PIK3C2G: variants seen among roughly 807,000 people sequenced by gnomAD.
The protein encoded by PIK3C2G is phosphatidylinositol-4-phosphate 3-kinase catalytic subunit type 2 gamma.
PIK3C2G carries 168 observed loss-of-function variants against 181.1 expected under a neutral mutation model. The observed-to-expected ratio is 0.93, with a 90% CI of 0.82 to 1.05. PIK3C2G has a LOEUF of 1.05. PIK3C2G is among the 50% of genes least tolerant of loss of function. The pLI is 0.00. For synonymous variants in PIK3C2G, 573 were observed against 592.2 expected (o/e 0.97, Z 0.47); for missense variants, 1,869 against 1,732.8 (o/e 1.08, Z -1.40).
intron 31 of PIK3C2G, among the ~76,000 whole-genome samples, chr12:18,621,467 A>C (rs2136667665): frequency 6.6e-6 from 1 of 152,006 alleles, no homozygotes. Flanking sequence ...AAAGAATTAT[A>C]TCTACTAGAC....
intron 14 of PIK3C2G, among the ~76,000 whole-genome samples, chr12:18,389,955 T>C (rs1472887680): frequency 6.6e-6 from 1 of 152,198 alleles, no homozygotes; most frequent in Admixed American, 6.5e-5. Context: ...TTTGTCCATA[T>C]AAAGAGTAGC....
chr12:18,684,103 C>T, the PIK3C2G span: 9 of 1,607,640 alleles, frequency 5.6e-6, no homozygotes, highest in Admixed American at 1.0e-4. Context: ...AATGCTGGTA[C>T]AATCATCTAA....
chr12:18,688,982 G>A, the PIK3C2G span, among the ~76,000 whole-genome samples: 1 of 151,520 alleles, frequency 6.6e-6, no homozygotes, highest in Non-Finnish European at 1.5e-5. Flanking sequence ...AGGGAAGGAA[G>A]GAGGGAGAGA....
chr12:18,698,239 T>TTTA, the PIK3C2G span, among the ~76,000 whole-genome samples: 4 of 147,488 alleles, frequency 2.7e-5, no homozygotes, highest in East Asian at 6.1e-4. Context: ...GCAATACACT[T>TTTA]TTCTTCTATT....
intron 11 of PIK3C2G, among the ~76,000 whole-genome samples, chr12:18,351,160 A>G (rs575927042): frequency 6.6e-6 from 1 of 152,264 alleles, no homozygotes; most frequent in African/African-American, 2.4e-5. Flanking sequence ...AAATATATTC[A>G]TAAATTTAAG....
upstream of PIK3C2G, among the ~76,000 whole-genome samples, chr12:18,244,498 T>C (rs1165668666): frequency 2.6e-5 from 4 of 152,102 alleles, no homozygotes; most frequent in Non-Finnish European, 5.9e-5. Context: ...GCTTATCTCA[T>C]ACCTGCTTTC....
chr12:18,595,921 T>A (rs950104172), intron 30 of PIK3C2G, among the ~76,000 whole-genome samples: 1 of 152,130 alleles, frequency 6.6e-6, no homozygotes, highest in African/African-American at 2.4e-5. Flanking sequence ...ACGCCTAGAA[T>A]GTTATTTCTT....
At chr12:18,641,535 C>G (rs964649717) in intron 32 of PIK3C2G, among the ~76,000 whole-genome samples, 1 of 152,050 alleles carries the variant, frequency 6.6e-6, no homozygotes, top group African/African-American at 2.4e-5. Context: ...CCACTTATTT[C>G]CATTTCTCTA....
At chr12:18,721,749 G>C in the PIK3C2G span, among the ~76,000 whole-genome samples, 2 of 150,524 alleles carry the variant, frequency 1.3e-5, no homozygotes, top group Non-Finnish European at 3.0e-5. Flanking sequence ...GAACTCATCA[G>C]TTCTGCTTAG....
At chr12:18,330,713 A>G (rs1286688633) in intron 8 of PIK3C2G, among the ~76,000 whole-genome samples, 1 of 152,156 alleles carries the variant, frequency 6.6e-6, no homozygotes, top group Non-Finnish European at 1.5e-5. Flanking sequence ...AGGGATGAGG[A>G]GCAGTAAACT....
intron 30 of PIK3C2G, among the ~76,000 whole-genome samples, chr12:18,595,036 G>A (rs1947287521): frequency 1.3e-5 from 2 of 151,912 alleles, no homozygotes; most frequent in Admixed American, 1.3e-4. Flanking sequence ...CAACAGTGAT[G>A]AGTGACAAAA....
chr12:18,723,168 T>A, the PIK3C2G span: 1 of 679,448 alleles, frequency 1.5e-6, no homozygotes, highest in Non-Finnish European at 2.5e-6. Context: ...AAAATATATT[T>A]TCTCAAAGAT....
intron 14 of PIK3C2G, among the ~76,000 whole-genome samples, chr12:18,384,969 T>C (rs1349511145): frequency 9.2e-5 from 14 of 152,150 alleles, no homozygotes; most frequent in Admixed American, 7.9e-4. Context: ...TTTAATTAAA[T>C]AGTCAGCTAA....
the PIK3C2G span, chr12:18,683,744 AG>A: frequency 1.4e-6 from 1 of 715,956 alleles, no homozygotes; most frequent in Non-Finnish European, 2.2e-6. Flanking sequence ...GGGTCAGGAA[AG>A]GATAGTCTCA....
In PIK3C2G at chr12:18,346,616, T is replaced by G. The variant is rs755599835; in HGVS notation, c.1430-25T>G. On this transcript the variant is annotated intron_variant, in intron 10 of 32. Transcript: ENST00000538779. ...GATAAATATGGCCCTTCTTAGTGAC[T>G]TGATCTCTATCTCTTCCTTTCTAGG... is the stretch of plus-strand genomic sequence containing the variant. The G allele has an allele frequency of 2.7e-6, 4 of 1,471,820 alleles. No individual in the cohort carries two copies. The South Asian group carries it at 4.8e-5, about 18-fold the overall frequency. The allele number at this position is 1,471,820 out of a possible 1,614,324, so 91.2% of individuals were successfully genotyped here. A position where few individuals can be genotyped will look rare whatever the true frequency, so the allele number is the denominator to read the frequency against.
At chr12:18,695,551 A>C in the PIK3C2G span, among the ~76,000 whole-genome samples, 1 of 152,038 alleles carries the variant, frequency 6.6e-6, no homozygotes, top group South Asian at 2.1e-4. Flanking sequence ...TAGCCTGGTA[A>C]ATAGCCACTG....
chr12:18,723,515 T>C, the PIK3C2G span: 1 of 1,612,548 alleles, frequency 6.2e-7, no homozygotes, highest in Non-Finnish European at 8.5e-7. Flanking sequence ...TCTATGGTGA[T>C]TCTTCCTTGT....
At chr12:18,412,011 A>G (rs1305272148) in intron 16 of PIK3C2G, among the ~76,000 whole-genome samples, 1 of 152,156 alleles carries the variant, frequency 6.6e-6, no homozygotes, top group Non-Finnish European at 1.5e-5. Context: ...AACTTGAAAA[A>G]TATATTTTTC....
intron 24 of PIK3C2G, among the ~76,000 whole-genome samples, chr12:18,528,523 T>G (rs966430679): frequency 8.5e-5 from 13 of 152,184 alleles, no homozygotes; most frequent in Admixed American, 7.2e-4. Context: ...ATTCAAACAC[T>G]CAAGTCTTTC....
Sources: allele counts gnomAD v4.1 joint callset (sites outside exome capture counted in the v4.1 genomes callset), GRCh38; gene constraint gnomAD v4.1.1; transcripts MANE v1.5; gene names NCBI Gene and HGNC (gene_info 2026-07-23, HGNC 2026-07-21).